Variants in ADD3 observed in about 807,000 individuals in gnomAD.
The protein encoded by ADD3 is gamma-adducin.
Under a neutral mutation model 80.2 loss-of-function variants are expected in ADD3, and 25 were observed. The observed-to-expected ratio is 0.31, with a 90% CI of 0.23 to 0.44. The LOEUF is 0.44. ADD3 is among the 20% of genes least tolerant of loss of function. ADD3 has a pLI of 1.00. For synonymous variants in ADD3, 284 were observed against 289.6 expected (o/e 0.98, Z 0.20); for missense variants, 829 against 847.5 (o/e 0.98, Z 0.27).
intron 1 of ADD3, among the ~76,000 whole-genome samples, chr10:110,068,027 G>C (rs935418298): frequency 4.0e-5 from 6 of 151,734 alleles, no homozygotes; most frequent in Non-Finnish European, 7.4e-5. Context: ...CAACCTTTCA[G>C]TTAAACAAAA....
chr10:110,049,245 T>C (rs1857226964), intron 1 of ADD3, among the ~76,000 whole-genome samples: 1 of 152,176 alleles, frequency 6.6e-6, no homozygotes, highest in South Asian at 2.1e-4. Context: ...CAGGCAGAAG[T>C]TTGCTGCAGG....
At chr10:110,053,197 T>C (rs17126984) in intron 1 of ADD3, among the ~76,000 whole-genome samples, 19,221 of 152,078 alleles carry the variant, frequency 0.13, 1,538 homozygotes, top group East Asian at 0.4. Flanking sequence ...GTCTACATTT[T>C]CACATTTAGT....
At chr10:109,999,875 A>T (rs1564821871) in intron 1 of ADD3, among the ~76,000 whole-genome samples, 1 of 146,522 alleles carries the variant, frequency 6.8e-6, no homozygotes, top group Admixed American at 6.8e-5. Flanking sequence ...TTTGTGTTTC[A>T]TTTCCCAGCT....
At chr10:110,050,527 T>TC (rs60219187) in intron 1 of ADD3, among the ~76,000 whole-genome samples, 6 of 144,228 alleles carry the variant, frequency 4.2e-5, no homozygotes, top group Non-Finnish European at 8.9e-5. Context: ...TTTTTTTTTT[T>TC]CCTGAAGCGG....
intron 1 of ADD3, among the ~76,000 whole-genome samples, chr10:110,078,068 T>C (rs1845582239): frequency 6.6e-6 from 1 of 152,216 alleles, no homozygotes. Context: ...CATTGTGTCA[T>C]CCTTTTTGAA....
At chr10:110,026,507 C>G (rs541195394) in intron 1 of ADD3, among the ~76,000 whole-genome samples, 1 of 151,842 alleles carries the variant, frequency 6.6e-6, no homozygotes, top group Non-Finnish European at 1.5e-5. Context: ...CTTGAACTCC[C>G]GACCTCAGGT....
chr10:110,020,271 T>G (rs1368367248), intron 1 of ADD3, among the ~76,000 whole-genome samples: 1 of 152,204 alleles, frequency 6.6e-6, no homozygotes, highest in African/African-American at 2.4e-5. Flanking sequence ...AGACAAGTCC[T>G]CCTGCCCTAA....
rs1343376051 is a variant in ADD3 at position 110,135,023 on chromosome 10, G to A, written c.*1405G>A. 6.6e-6 allele frequency: 1 copy of A among 152,188 alleles called. No individual in the cohort carries two copies. Among genetic ancestry groups the A allele is most frequent in the Non-Finnish European group, 1.5e-5 (1 of 68,036 alleles). The allele number at this position is 152,188 out of a possible 1,614,324, so 9.4% of individuals were successfully genotyped here. On this transcript the variant is annotated 3_prime_UTR_variant, in exon 15 of 15. Coordinates refer to ENST00000356080, the MANE Select transcript of ADD3 (RefSeq NM_016824.5). ...TGTCACAGTTCGATGCAAAATCAAT[G>A]ATCCAGAATGATCGTGGGTAAAAAT...
intron 1 of ADD3, among the ~76,000 whole-genome samples, chr10:110,054,510 C>T (rs972645126): frequency 5.4e-5 from 8 of 147,576 alleles, no homozygotes; most frequent in African/African-American, 1.0e-4. Context: ...GGCGCGATCT[C>T]GGCTCACTGC....
At chr10:110,036,422 C>G (rs1413639166) in intron 1 of ADD3, among the ~76,000 whole-genome samples, 1 of 148,164 alleles carries the variant, frequency 6.7e-6, no homozygotes, top group Non-Finnish European at 1.5e-5. Context: ...CTCTGTCGCC[C>G]GGGCTGGAGT....
At chr10:110,040,318 A>G (rs1856149501) in intron 1 of ADD3, among the ~76,000 whole-genome samples, 1 of 152,140 alleles carries the variant, frequency 6.6e-6, no homozygotes, top group South Asian at 2.1e-4. Context: ...GAGATAGATT[A>G]TGTAAAACCT....
intron 1 of ADD3, among the ~76,000 whole-genome samples, chr10:110,009,684 A>G (rs949653485): frequency 6.6e-6 from 1 of 152,230 alleles, no homozygotes; most frequent in African/African-American, 2.4e-5. Flanking sequence ...AAGGAGGACC[A>G]GGATAAAATA....
intron 1 of ADD3, among the ~76,000 whole-genome samples, chr10:110,062,014 C>T (rs1858952887): frequency 6.6e-6 from 1 of 151,730 alleles, no homozygotes; most frequent in Admixed American, 6.6e-5. Context: ...ATCACTTGAG[C>T]CCAGAAATTC....
At chr10:110,094,322 A>C (rs1847902081) in intron 1 of ADD3, among the ~76,000 whole-genome samples, 1 of 152,198 alleles carries the variant, frequency 6.6e-6, no homozygotes, top group Non-Finnish European at 1.5e-5. Flanking sequence ...TGATTTTATA[A>C]TATGATATTT....
intron 1 of ADD3, among the ~76,000 whole-genome samples, chr10:110,069,473 A>G (rs909763908): frequency 3.3e-5 from 5 of 152,120 alleles, no homozygotes; most frequent in Admixed American, 3.3e-4. Flanking sequence ...CCTTTCTCAT[A>G]TATCAACAGC....
In ADD3 at chr10:110,118,663, C is replaced by A; in HGVS notation, c.644C>A (p.Pro215His). ...AAAATTGACCATACAGGATTCAGTC[C>A]CCATGCTGCAATCTATTCAACACGT... ...NLKIDHTGFS[P>H]HAAIYSTRPD... Residue 215 changes from proline (P) to histidine (H), a missense_variant, in exon 6 of 15, where the codon CCC (proline) becomes CAC (histidine). Physicochemically the swap from Pro to His is moderately conservative, Grantham distance 77. Transcript: ENST00000356080. 1 of 1,613,626 alleles carries A rather than the reference C, an allele frequency of 6.2e-7. No individual in the cohort carries two copies.
chr10:110,037,925 G>T (rs1855855252), intron 1 of ADD3, among the ~76,000 whole-genome samples: 1 of 151,538 alleles, frequency 6.6e-6, no homozygotes, highest in Non-Finnish European at 1.5e-5. Flanking sequence ...AAATTAGCTG[G>T]GTGTGTGGTG....
intron 1 of ADD3, among the ~76,000 whole-genome samples, chr10:109,999,824 A>G (rs1851450587): frequency 6.6e-6 from 1 of 151,682 alleles, no homozygotes. Context: ...TACATTTATT[A>G]TGTCATATGA....
At chr10:110,043,663 A>G (rs1856609300) in intron 1 of ADD3, among the ~76,000 whole-genome samples, 1 of 152,236 alleles carries the variant, frequency 6.6e-6, no homozygotes, top group Admixed American at 6.5e-5. Flanking sequence ...ATTATTTTCA[A>G]ATTATTGCAT....
Sources: gnomAD v4.1 joint callset for allele counts (sites outside exome capture counted in the v4.1 genomes callset) on GRCh38, gnomAD v4.1.1 for gene constraint, MANE v1.5 for transcripts, NCBI Gene and HGNC (gene_info 2026-07-23, HGNC 2026-07-21) for gene names.